RGS6: variants seen among roughly 807,000 people sequenced by gnomAD.
The protein encoded by RGS6 is regulator of G protein signaling 6.
A neutral mutation model predicts 78.5 loss-of-function variants in RGS6; 30 were observed. That is an observed-to-expected ratio of 0.38 (90% CI 0.29 to 0.52). The LOEUF (loss-of-function observed/expected upper bound fraction) is 0.52, where lower values mean the gene tolerates loss of function less well. RGS6 is among the 20% of genes least tolerant of loss of function. The pLI is 0.85. For synonymous variants in RGS6, 206 were observed against 206.0 expected, an observed-to-expected ratio of 1.00 and a Z score of 0.00; for missense variants, 495 against 609.7, an observed-to-expected ratio of 0.81 and a Z score of 1.98.
At chr14:71,999,994 C>A (rs1200686942) in intron 2 of RGS6, among the ~76,000 whole-genome samples, 2 of 151,974 alleles carry the variant, frequency 1.3e-5, no homozygotes, top group African/African-American at 4.8e-5. Flanking sequence ...AATGGAAACT[C>A]ATCTGAACAT....
intron 2 of RGS6, among the ~76,000 whole-genome samples, chr14:72,164,317 T>G (rs551847413): frequency 6.7e-4 from 102 of 152,334 alleles, no homozygotes; most frequent in African/African-American, 2.4e-3. Flanking sequence ...AGTCTTTGAT[T>G]TGCAGGTTGC....
At chr14:72,046,270 T>G (rs536956555) in intron 2 of RGS6, among the ~76,000 whole-genome samples, 21 of 151,938 alleles carry the variant, frequency 1.4e-4, no homozygotes, top group South Asian at 6.2e-4. Context: ...TTGGACTTTT[T>G]AGCATGACAC....
At chr14:72,257,995 T>C (rs1394851158) in intron 2 of RGS6, among the ~76,000 whole-genome samples, 2 of 152,260 alleles carry the variant, frequency 1.3e-5, no homozygotes, top group African/African-American at 4.8e-5. Flanking sequence ...ACATTGTGTG[T>C]TCTTATGCAG....
At chr14:72,219,582 C>A (rs565918304) in intron 2 of RGS6, among the ~76,000 whole-genome samples, 1 of 152,124 alleles carries the variant, frequency 6.6e-6, no homozygotes, top group East Asian at 1.9e-4. Context: ...TAATTTTTTT[C>A]TCATCAATTC....
the RGS6 span, among the ~76,000 whole-genome samples, chr14:72,599,060 G>A: frequency 1.3e-5 from 2 of 152,024 alleles, no homozygotes; most frequent in African/African-American, 4.8e-5. Flanking sequence ...GCGCAGCCAC[G>A]GGATTCTCTA....
intron 3 of RGS6, among the ~76,000 whole-genome samples, chr14:72,412,859 T>G (rs1489973783): frequency 6.6e-6 from 1 of 152,190 alleles, no homozygotes; most frequent in Non-Finnish European, 1.5e-5. Flanking sequence ...TTGTTCAGTT[T>G]CCATGTAGTT....
chr14:72,394,733 G>A lies in RGS6; in HGVS notation c.184+42539G>A, dbSNP rs530200256. ...TGTTTAAACAATTTGTGCAGTTAAC[G>A]CAATCATTACAGGGTCCTGAGGTGA... On this transcript the variant is annotated intron_variant, in intron 3 of 17. Transcript: ENST00000553525. Among the ~76,000 whole-genome samples, 390 of 152,190 alleles carry A rather than the reference G, an allele frequency of 2.6e-3. 1 individual carries two copies. Among genetic ancestry groups the A allele is most frequent in the African/African-American group, 8.9e-3 (370 of 41,512 alleles).
chr14:71,968,481 C>G (rs2093640301), intron 2 of RGS6, among the ~76,000 whole-genome samples: 2 of 149,530 alleles, frequency 1.3e-5, no homozygotes, highest in Non-Finnish European at 3.0e-5. Context: ...GTAGAAGAAC[C>G]AAGCTCTTGT....
chr14:72,597,121 C>G, the RGS6 span, among the ~76,000 whole-genome samples: 4 of 151,996 alleles, frequency 2.6e-5, no homozygotes, highest in African/African-American at 9.7e-5. Context: ...CACCTGTAAT[C>G]CCAGGTACTC....
the RGS6 span, among the ~76,000 whole-genome samples, chr14:71,922,488 C>G: frequency 6.6e-6 from 1 of 152,198 alleles, no homozygotes; most frequent in African/African-American, 2.4e-5. Flanking sequence ...TTCCCTCACA[C>G]CTAAAATAAC....
At chr14:72,119,057 A>G (rs1349404113) in intron 2 of RGS6, among the ~76,000 whole-genome samples, 1 of 152,178 alleles carries the variant, frequency 6.6e-6, no homozygotes. Context: ...AGGATACGTA[A>G]AAGTTGGAGG....
At chr14:72,118,953 G>A (rs1436509735) in intron 2 of RGS6, among the ~76,000 whole-genome samples, 1 of 152,100 alleles carries the variant, frequency 6.6e-6, no homozygotes, top group Non-Finnish European at 1.5e-5. Flanking sequence ...AATTTCAGTG[G>A]AATCTTCCAA....
chr14:72,310,808 A>G lies in RGS6; in HGVS notation c.85-41287A>G, dbSNP rs369474894. Among the ~76,000 whole-genome samples, 5 of 152,298 alleles carry G rather than the reference A, an allele frequency of 3.3e-5. No homozygotes were observed. The South Asian group carries it at 6.2e-4, about 19-fold the overall frequency. On this transcript the variant is annotated intron_variant, in intron 2 of 17. Transcript: ENST00000553525. Reference sequence around the variant, plus strand: ...CAGGCTGCTGCTTTAAGGAACATTAACAATCCAGACCCTTCCAGGGACCCA... The same window carrying G: ...CAGGCTGCTGCTTTAAGGAACATTAGCAATCCAGACCCTTCCAGGGACCCA...
At chr14:71,882,515 A>G in the RGS6 span, among the ~76,000 whole-genome samples, 1 of 152,222 alleles carries the variant, frequency 6.6e-6, no homozygotes, top group Admixed American at 6.5e-5. Flanking sequence ...GAACTAGGCA[A>G]AAGACATTAC....
chr14:72,074,335 A>G (rs190927400), intron 2 of RGS6, among the ~76,000 whole-genome samples: 16 of 152,228 alleles, frequency 1.1e-4, no homozygotes, highest in Admixed American at 5.9e-4. Flanking sequence ...AGCTGGGACT[A>G]TAGGTGCTTG....
chr14:72,110,813 G>A (rs1314155069), intron 2 of RGS6, among the ~76,000 whole-genome samples: 1 of 152,184 alleles, frequency 6.6e-6, no homozygotes, highest in Non-Finnish European at 1.5e-5. Context: ...GACCATGAGA[G>A]TCTGGGGAGC....
intron 12 of RGS6, among the ~76,000 whole-genome samples, chr14:72,487,949 AC>A (rs1450507391): frequency 6.6e-6 from 1 of 152,090 alleles, no homozygotes; most frequent in Non-Finnish European, 1.5e-5. Context: ...ATCTCCGAGC[AC>A]CCCGCTGACT....
chr14:72,512,092 G>A (rs976256548), intron 14 of RGS6, among the ~76,000 whole-genome samples: 2 of 152,196 alleles, frequency 1.3e-5, no homozygotes, highest in Admixed American at 1.3e-4. Flanking sequence ...AGCCACCCCT[G>A]GGAGTCCTTC....
chr14:72,462,839 T>C (rs549353660), intron 6 of RGS6, among the ~76,000 whole-genome samples: 8 of 152,156 alleles, frequency 5.3e-5, no homozygotes, highest in Non-Finnish European at 1.2e-4. Context: ...GTTGCCAAGG[T>C]TACCTCCAGT....
Sources: allele counts gnomAD v4.1 joint callset (sites outside exome capture counted in the v4.1 genomes callset), GRCh38; gene constraint gnomAD v4.1.1; transcripts MANE v1.5; gene names NCBI Gene and HGNC (gene_info 2026-07-23, HGNC 2026-07-21).